Variants in DTD1 observed in about 807,000 individuals in gnomAD.
DTD1 encodes the protein D-aminoacyl-tRNA deacylase 1.
In DTD1, 13 loss-of-function variants were observed where a neutral mutation model predicts 25.6. The ratio of observed to expected loss-of-function variants is 0.51; its 90% CI spans 0.33 to 0.81. DTD1 has a LOEUF of 0.81. Ranked by LOEUF, DTD1 falls within the 30% of genes least tolerant of loss-of-function variation. The probability of loss-of-function intolerance (pLI) is 0.02; values close to 1 mark genes in which losing one functional copy is unlikely to be tolerated. For missense variants in DTD1, 193 were observed against 266.4 expected, an observed-to-expected ratio of 0.72 and a Z score of 1.92; for synonymous variants, 110 against 103.6, an observed-to-expected ratio of 1.06 and a Z score of -0.37.
At chr20:18,735,400 A>C (rs140651542) in intron 4 of DTD1, among the ~76,000 whole-genome samples, 1 of 152,246 alleles carries the variant, frequency 6.6e-6, no homozygotes, top group East Asian at 1.9e-4. Flanking sequence ...AACCAGGTCA[A>C]CTGAAGGCTT....
chr20:18,668,853 G>C (rs1234870705), intron 4 of DTD1, among the ~76,000 whole-genome samples: 1 of 152,152 alleles, frequency 6.6e-6, no homozygotes, highest in African/African-American at 2.4e-5. Context: ...GTCATTTAAA[G>C]GTTTTCTTTT....
At chr20:18,638,992 A>G (rs549001391) in intron 4 of DTD1, among the ~76,000 whole-genome samples, 1 of 152,232 alleles carries the variant, frequency 6.6e-6, no homozygotes, top group East Asian at 1.9e-4. Flanking sequence ...AACCTCCCAC[A>G]GTTCACTGCA....
At chr20:18,718,512 T>G (rs2061190540) in intron 4 of DTD1, among the ~76,000 whole-genome samples, 1 of 152,220 alleles carries the variant, frequency 6.6e-6, no homozygotes, top group Non-Finnish European at 1.5e-5. Context: ...AGAGCTGCCT[T>G]TAGGGCAACA....
intron 4 of DTD1, among the ~76,000 whole-genome samples, chr20:18,648,425 C>T (rs549516121): frequency 1.4e-4 from 21 of 152,184 alleles, no homozygotes; most frequent in Non-Finnish European, 2.2e-4. Context: ...GGATGTACAG[C>T]GAGGGACCAG....
At chr20:18,636,617 A>T (rs1175343253) in intron 4 of DTD1, among the ~76,000 whole-genome samples, 1 of 152,152 alleles carries the variant, frequency 6.6e-6, no homozygotes, top group African/African-American at 2.4e-5. Context: ...GAAGGTTAGG[A>T]TGGGTCAGTG....
chr20:18,724,974 C>T (rs2061217980), intron 4 of DTD1, among the ~76,000 whole-genome samples: 1 of 152,218 alleles, frequency 6.6e-6, no homozygotes, highest in Non-Finnish European at 1.5e-5. Context: ...GGGGCTCAGC[C>T]CGTGAGTGAG....
intron 4 of DTD1, among the ~76,000 whole-genome samples, chr20:18,635,775 C>G (rs1422160153): frequency 6.6e-6 from 1 of 152,140 alleles, no homozygotes; most frequent in Admixed American, 6.5e-5. Context: ...TAAAAAGAAG[C>G]CTTTACAAGG....
intron 4 of DTD1, among the ~76,000 whole-genome samples, chr20:18,639,169 G>GT (rs146998838): frequency 0.34 from 41,830 of 123,836 alleles, 6,749 homozygotes; most frequent in Non-Finnish European, 0.39. Context: ...TTGTTTGATG[G>GT]TTTTTTTTTT....
intron 4 of DTD1, among the ~76,000 whole-genome samples, chr20:18,731,211 C>T (rs960382337): frequency 4.3e-4 from 66 of 152,122 alleles, no homozygotes; most frequent in African/African-American, 1.9e-4. Flanking sequence ...GCATCTGCTC[C>T]GCTCCCTCCT....
At chr20:18,598,622 C>A (rs564210883) in intron 3 of DTD1, among the ~76,000 whole-genome samples, 2 of 151,778 alleles carry the variant, frequency 1.3e-5, no homozygotes, top group Non-Finnish European at 1.5e-5. Flanking sequence ...CTCAGCCTCC[C>A]GAGTAGCTGG....
At position 18,617,139 on chromosome 20, in the gene DTD1, T is replaced by A. The variant is rs111498159; in HGVS notation, c.371-10988T>A. ...TATGATACAATTCAATTGGAAGAAA[T>A]AAAGATAATTTTTAAAAGAAGATAC... On this transcript the variant is annotated intron_variant, in intron 3 of 5. Coordinates refer to ENST00000377452, the MANE Select transcript of DTD1 (RefSeq NM_080820.6). Among the ~76,000 whole-genome samples the A allele has an allele frequency of 5.3e-3, 812 of 151,994 alleles. 6 individuals carry two copies. The highest frequency in any genetic ancestry group is 0.044 in the Middle Eastern group (13 of 294).
rs1216913339 is a variant in DTD1, at chr20:18,764,440, C to T, written c.*1100C>T. On this transcript the variant is annotated 3_prime_UTR_variant, in exon 6 of 6. Coordinates refer to ENST00000377452, the MANE Select transcript of DTD1 (RefSeq NM_080820.6). ...AGCTTTATTTATATATCTAATAACG[C>T]TCGCATATATGCTCTCTGGAAAATA... 1.3e-5 allele frequency: 2 copies of T among 152,188 alleles called. No homozygotes were observed. The highest frequency in any genetic ancestry group is 4.8e-5 in the African/African-American group (2 of 41,440). 9.4% of individuals were successfully genotyped at this position (152,188 alleles called of 1,614,324 possible).
In DTD1 at chr20:18,751,820, G is replaced by T. The variant is rs79900638; in HGVS notation, c.*19+7549G>T. ...TTGTTTTTGAAGGATAATTTTGCTG[G>T]TATAGACTTCTAGACTTGTAGTTTT... On this transcript the variant is annotated intron_variant, in intron 5 of 5. Transcript: ENST00000377452. 7.1e-3 allele frequency among the ~76,000 whole-genome samples: 1,065 copies of T among 150,172 alleles called. 9 individuals carry two copies. Among genetic ancestry groups the T allele is most frequent in the Middle Eastern group, 0.031 (9 of 290 alleles).
At chr20:18,689,050 A>C (rs533592039) in intron 4 of DTD1, among the ~76,000 whole-genome samples, 1 of 152,334 alleles carries the variant, frequency 6.6e-6, no homozygotes, top group Admixed American at 6.5e-5. Flanking sequence ...GCTAGGAAAA[A>C]GACTATAGCT....
intron 4 of DTD1, among the ~76,000 whole-genome samples, chr20:18,638,157 G>A (rs186930541): frequency 1.2e-3 from 188 of 151,588 alleles, no homozygotes; most frequent in Middle Eastern, 3.4e-3. Context: ...CCACCCATAT[G>A]TCCCTCCATC....
intron 1 of DTD1, among the ~76,000 whole-genome samples, 194 bp downstream of exon 1, chr20:18,588,309 C>T (rs1019778231): frequency 2.0e-5 from 3 of 152,038 alleles, no homozygotes; most frequent in Admixed American, 6.6e-5. Flanking sequence ...GGCCGGAGAG[C>T]CCCCTGCACG....
chr20:18,626,453 A>G (rs2060758571), intron 3 of DTD1, among the ~76,000 whole-genome samples: 1 of 152,230 alleles, frequency 6.6e-6, no homozygotes, highest in African/African-American at 2.4e-5. Context: ...AACATGCAGC[A>G]TAAGCGTGTC....
intron 4 of DTD1, among the ~76,000 whole-genome samples, chr20:18,650,499 T>C (rs2060870287): frequency 1.3e-5 from 2 of 152,200 alleles, no homozygotes; most frequent in South Asian, 4.1e-4. Flanking sequence ...AGCACCCTAC[T>C]TCATGCTGCA....
At position 18,612,236 on chromosome 20, in the gene DTD1, G is replaced by A. The variant is rs973123145; in HGVS notation, c.371-15891G>A. ...TTTTTAGTAGAGACGGGGTTTCACC[G>A]TTTTAGCCGGGATGGTCTCAATCTC... On this transcript the variant is annotated intron_variant, in intron 3 of 5. Coordinates refer to ENST00000377452, the MANE Select transcript of DTD1 (RefSeq NM_080820.6). 5.9e-5 allele frequency among the ~76,000 whole-genome samples: 9 copies of A among 151,528 alleles called. No homozygotes were observed. In the South Asian group the frequency reaches 8.4e-4, roughly 14 times the overall value.
Sources: allele counts gnomAD v4.1 joint callset (sites outside exome capture counted in the v4.1 genomes callset), GRCh38; gene constraint gnomAD v4.1.1; transcripts MANE v1.5; gene names NCBI Gene and HGNC (gene_info 2026-07-23, HGNC 2026-07-21).